The following GUCY2C variants were observed in gnomAD, a reference collection of about 807,000 sequenced individuals.
GUCY2C encodes the protein guanylate cyclase 2C, also known as guanylyl cyclase C.
Under a neutral mutation model 131.1 loss-of-function variants are expected in GUCY2C, and 118 were observed. The observed-to-expected ratio is 0.90, with a 90% CI of 0.78 to 1.05. The LOEUF is 1.05. Ranked by LOEUF, GUCY2C falls within the 50% of genes least tolerant of loss-of-function variation. GUCY2C has a pLI of 0.00. For synonymous variants in GUCY2C, 452 were observed against 457.8 expected, an observed-to-expected ratio of 0.99 and a Z score of 0.16; for missense variants, 1,161 against 1,304.4, an observed-to-expected ratio of 0.89 and a Z score of 1.69.
chr12:14,640,098 A>G, intron 18 of GUCY2C, 148 bp from the exon 19 acceptor site: 1 of 620,940 alleles, frequency 1.6e-6, no homozygotes, highest in South Asian at 1.9e-5. Flanking sequence ...CACTCAGTAG[A>G]CAGGTGTTGA....
intron 11 of GUCY2C, among the ~76,000 whole-genome samples, chr12:14,657,372 A>G (rs1271013417): frequency 6.6e-6 from 1 of 152,236 alleles, no homozygotes; most frequent in African/African-American, 2.4e-5. Flanking sequence ...TTCAAAAAAT[A>G]TGTTTAAAGA....
At chr12:14,657,284 C>T (rs1947782668) in intron 11 of GUCY2C, among the ~76,000 whole-genome samples, 1 of 152,096 alleles carries the variant, frequency 6.6e-6, no homozygotes, top group Admixed American at 6.6e-5. Context: ...CATTGAGAGG[C>T]AAAAATGTTA....
intron 10 of GUCY2C, among the ~76,000 whole-genome samples, chr12:14,661,913 G>C (rs1947875232): frequency 6.6e-6 from 1 of 152,134 alleles, no homozygotes; most frequent in Non-Finnish European, 1.5e-5. Flanking sequence ...TGTATAGATG[G>C]AGTAAGTGGA....
intron 1 of GUCY2C, among the ~76,000 whole-genome samples, chr12:14,692,764 G>A (rs550192205): frequency 1.8e-4 from 28 of 152,276 alleles, no homozygotes; most frequent in African/African-American, 6.3e-4. Context: ...CAGGAGAATC[G>A]CTTGAACCTG....
intron 17 of GUCY2C, among the ~76,000 whole-genome samples, 191 bp downstream of exon 17, chr12:14,643,383 G>A (rs1947448385): frequency 6.6e-6 from 1 of 152,168 alleles, no homozygotes; most frequent in South Asian, 2.1e-4. Context: ...GAAATCCACA[G>A]AGGACATTTG....
intron 12 of GUCY2C, 59 bp from the exon 13 acceptor site, chr12:14,653,073 T>TG (rs1305891148): frequency 6.5e-6 from 8 of 1,230,298 alleles, no homozygotes; most frequent in Non-Finnish European, 9.6e-6. Context: ...ACTCACTGCC[T>TG]GTCAAAGGCT....
At chr12:14,639,756 C>A in intron 19 of GUCY2C, 106 bp downstream of exon 19, 1 of 726,518 alleles carries the variant, frequency 1.4e-6, no homozygotes, top group Non-Finnish European at 2.4e-6. Context: ...TTTCAGACTT[C>A]TAGTCTCCAG....
At chr12:14,673,096 C>T (rs1948151483) in intron 8 of GUCY2C, 138 bp from the exon 9 acceptor site, 2 of 600,084 alleles carry the variant, frequency 3.3e-6, no homozygotes, top group Middle Eastern at 2.6e-4. Flanking sequence ...CATTAATAGT[C>T]TAATCAGATG....
intron 9 of GUCY2C, among the ~76,000 whole-genome samples, chr12:14,670,581 G>A (rs541825274): frequency 1.3e-5 from 2 of 152,000 alleles, no homozygotes; most frequent in African/African-American, 2.4e-5. Flanking sequence ...GACTTCCCAC[G>A]TGTTGTAGGA....
chr12:14,632,022 A>C (rs1365236207), intron 19 of GUCY2C, among the ~76,000 whole-genome samples: 1 of 152,086 alleles, frequency 6.6e-6, no homozygotes, highest in Admixed American at 6.6e-5. Context: ...GGCTGCATAA[A>C]TGTCTTCTTT....
At chr12:14,615,738 G>T (rs528734587) in intron 25 of GUCY2C, among the ~76,000 whole-genome samples, 4 of 151,926 alleles carry the variant, frequency 2.6e-5, no homozygotes, top group African/African-American at 9.6e-5. Context: ...GTTCTATTTT[G>T]GGGTAAGTGT....
chr12:14,688,026 C>T lies in GUCY2C; in HGVS notation c.255G>A (p.Ser85=), dbSNP rs146575110. 16 of 1,613,706 alleles carry T rather than the reference C, an allele frequency of 9.9e-6. No individual in the cohort carries two copies. Among genetic ancestry groups the T allele is most frequent in the East Asian group, 4.5e-5 (2 of 44,896 alleles). The change falls in exon 2 of 27, where the codon TCG becomes TCA. Residue 85 remains serine, a synonymous_variant. Coordinates refer to ENST00000261170, the MANE Select transcript of GUCY2C (RefSeq NM_004963.4). ...NVTVNATFMY[S]DGLIHNSGDC... ...CGCCTGAGTTATGAATCAGACCATC[C>T]GAATACATGAAAGTAGCGTTCACAG...
intron 15 of GUCY2C, 151 bp from the exon 16 acceptor site, chr12:14,645,466 G>T (rs57791514): frequency 0.011 from 6,016 of 571,082 alleles, 317 homozygotes; most frequent in African/African-American, 0.1. Flanking sequence ...ATGAACCTGT[G>T]TTTTTTCCTT....
chr12:14,662,609 G>A (rs1181014681), intron 10 of GUCY2C, among the ~76,000 whole-genome samples: 6 of 150,670 alleles, frequency 4.0e-5, no homozygotes, highest in Non-Finnish European at 8.8e-5. Flanking sequence ...CCGGGAGGTG[G>A]AGGTTGTAGT....
chr12:14,640,439 G>A (rs1242629112), intron 18 of GUCY2C, among the ~76,000 whole-genome samples: 1 of 147,938 alleles, frequency 6.8e-6, no homozygotes, highest in Non-Finnish European at 1.5e-5. Flanking sequence ...CCAGCCTGGG[G>A]GTGACAGAGC....
chr12:14,688,893 CAG>C (rs1470305203), intron 1 of GUCY2C, among the ~76,000 whole-genome samples: 3 of 152,160 alleles, frequency 2.0e-5, no homozygotes, highest in African/African-American at 7.2e-5. Context: ...GTAGTCCTGA[CAG>C]AGTAAGTGAG....
intron 10 of GUCY2C, among the ~76,000 whole-genome samples, chr12:14,665,393 G>A (rs540742207): frequency 6.6e-6 from 1 of 152,324 alleles, no homozygotes; most frequent in African/African-American, 2.4e-5. Flanking sequence ...GGAGGAAGCT[G>A]AGAGCATGGG....
Position 14,692,717 on chromosome 12 carries a change from T to G in GUCY2C, c.217+3515A>C, listed in dbSNP as rs1187283315. 2.6e-5 allele frequency among the ~76,000 whole-genome samples: 4 copies of G among 152,086 alleles called. No homozygotes were observed. The East Asian group carries it at 7.7e-4, about 29-fold the overall frequency. ...ACAAAACATTAGCTGGATGTGGTGA[T>G]GCATACCTGTAATCCCAGCTACTTG... On this transcript the variant is annotated intron_variant, in intron 1 of 26. Transcript: ENST00000261170.
At chr12:14,688,167 G>A (rs1461963222) in intron 1 of GUCY2C, 104 bp from the exon 2 acceptor site, 2 of 728,560 alleles carry the variant, frequency 2.7e-6, no homozygotes, top group Non-Finnish European at 2.4e-6. Context: ...CCATTTTCAG[G>A]CCTAGGAATA....
Sources: allele counts gnomAD v4.1 joint callset (sites outside exome capture counted in the v4.1 genomes callset), GRCh38; gene constraint gnomAD v4.1.1; transcripts MANE v1.5; gene names NCBI Gene and HGNC (gene_info 2026-07-23, HGNC 2026-07-21).